Variants in RNF220 observed in about 807,000 individuals in gnomAD.
The protein encoded by RNF220 is E3 ubiquitin-protein ligase RNF220.
Under a neutral mutation model 67.1 loss-of-function variants are expected in RNF220, and 7 were observed. That is an observed-to-expected ratio of 0.10 (90% confidence interval 0.06 to 0.20). The LOEUF (loss-of-function observed/expected upper bound fraction) is 0.20. RNF220 is among the 10% of genes least tolerant of loss of function. The probability of loss-of-function intolerance (pLI) is 1.00; values close to 1 mark genes in which losing one functional copy is unlikely to be tolerated. For synonymous variants in RNF220, 270 were observed against 283.2 expected (o/e 0.95, Z 0.47); for missense variants, 565 against 740.3 (o/e 0.76, Z 2.75).
intron 2 of RNF220, among the ~76,000 whole-genome samples, chr1:44,582,594 T>C (rs1405206385): frequency 6.6e-6 from 1 of 151,600 alleles, no homozygotes; most frequent in Non-Finnish European, 1.5e-5. Context: ...CCATCTCTAC[T>C]AAAAATACAA....
At chr1:44,574,520 C>T (rs1209828414) in intron 2 of RNF220, among the ~76,000 whole-genome samples, 1 of 152,188 alleles carries the variant, frequency 6.6e-6, no homozygotes, top group Non-Finnish European at 1.5e-5. Flanking sequence ...ATCTTTAATA[C>T]ATTTACTTAG....
intron 2 of RNF220, among the ~76,000 whole-genome samples, chr1:44,451,922 A>T (rs981832430): frequency 6.6e-6 from 1 of 151,998 alleles, no homozygotes; most frequent in Non-Finnish European, 1.5e-5. Flanking sequence ...CCCAGCCTTA[A>T]CTCTTCTGTC....
intron 2 of RNF220, among the ~76,000 whole-genome samples, chr1:44,570,622 G>A (rs1266710406): frequency 6.6e-6 from 1 of 152,118 alleles, no homozygotes; most frequent in East Asian, 1.9e-4. Context: ...TTGATCCAAT[G>A]TATCAGGAAT....
chr1:44,553,857 C>T (rs972807198), intron 2 of RNF220, among the ~76,000 whole-genome samples: 7 of 152,180 alleles, frequency 4.6e-5, no homozygotes, highest in African/African-American at 1.7e-4. Flanking sequence ...GGAGCTGTTA[C>T]TACCCCTGGG....
At chr1:44,524,735 G>C (rs189737458) in intron 2 of RNF220, among the ~76,000 whole-genome samples, 1 of 152,164 alleles carries the variant, frequency 6.6e-6, no homozygotes. Flanking sequence ...CTGAATGTTC[G>C]ATATTTCATT....
chr1:44,647,939 C>T (rs1644695786), intron 12 of RNF220, among the ~76,000 whole-genome samples: 1 of 152,224 alleles, frequency 6.6e-6, no homozygotes, highest in Admixed American at 6.5e-5. Flanking sequence ...TTCCAGCATC[C>T]TCAGCAGCTT....
Position 44,412,737 on chromosome 1 carries a change from T to C in RNF220, c.625+15T>C. On this transcript the variant is annotated intron_variant, in intron 2 of 14. Coordinates refer to ENST00000361799, the MANE Select transcript of RNF220 (RefSeq NM_018150.4). The surrounding 1 kb of genome is among the most constrained non-coding windows in gnomAD (Gnocchi z 5.3). ...GAATGACAGATGTAAGTACTTTGGT[T>C]CCAGCCCTCCCTTACCCCCAGTAAG... 1 of 1,607,074 alleles carries C rather than the reference T, an allele frequency of 6.2e-7. No individual in the cohort carries two copies. Among genetic ancestry groups the C allele is most frequent in the Non-Finnish European group, 8.5e-7 (1 of 1,175,768 alleles).
At chr1:44,487,070 C>G (rs1025050869) in intron 2 of RNF220, among the ~76,000 whole-genome samples, 1 of 152,166 alleles carries the variant, frequency 6.6e-6, no homozygotes, top group African/African-American at 2.4e-5. Flanking sequence ...TGCGGTGGCT[C>G]ACACCTGTAA....
chr1:44,593,838 T>G (rs1666279734), intron 2 of RNF220, among the ~76,000 whole-genome samples: 1 of 151,580 alleles, frequency 6.6e-6, no homozygotes, highest in Non-Finnish European at 1.5e-5. Context: ...ATCCCAGCAC[T>G]TTGGGAGGCC....
Position 44,632,403 on chromosome 1 carries a change from C to CCA in RNF220, c.949+19_949+20insAC. The CCA allele has an allele frequency of 6.2e-7, 1 of 1,604,558 alleles. No homozygotes were observed. The highest frequency in any genetic ancestry group is 8.5e-7 in the Non-Finnish European group (1 of 1,175,158). ...ACTGAATGGTGAGTCCTGCCCGGCC[C>CCA]CTCCCTCCGCCCCACCCCCGGCCTC... On this transcript the variant is annotated intron_variant, in intron 6 of 14. Coordinates refer to ENST00000361799, the MANE Select transcript of RNF220 (RefSeq NM_018150.4).
intron 2 of RNF220, among the ~76,000 whole-genome samples, chr1:44,437,789 G>T (rs1651131277): frequency 6.6e-6 from 1 of 152,186 alleles, no homozygotes; most frequent in African/African-American, 2.4e-5. Flanking sequence ...TCATTGTCTT[G>T]CTTTCAACCT....
intron 2 of RNF220, among the ~76,000 whole-genome samples, chr1:44,509,313 G>A (rs552034423): frequency 6.6e-6 from 1 of 152,180 alleles, no homozygotes; most frequent in South Asian, 2.1e-4. Flanking sequence ...CACTTTGGGA[G>A]GCCCAGGAGG....
At chr1:44,540,698 T>C (rs531759986) in intron 2 of RNF220, among the ~76,000 whole-genome samples, 1 of 152,258 alleles carries the variant, frequency 6.6e-6, no homozygotes, top group South Asian at 2.1e-4. Context: ...TTTTTCTTTA[T>C]TGTCCTGGGT....
chr1:44,582,049 G>A (rs377177003), intron 2 of RNF220, among the ~76,000 whole-genome samples: 1 of 152,194 alleles, frequency 6.6e-6, no homozygotes, highest in African/African-American at 2.4e-5. Context: ...GCTAAACGGA[G>A]CTGCTTCTCA....
At chr1:44,634,162 C>CCCTA (rs1431339773) in intron 6 of RNF220, among the ~76,000 whole-genome samples, 1 of 152,186 alleles carries the variant, frequency 6.6e-6, no homozygotes, top group Non-Finnish European at 1.5e-5. Context: ...GGAGCTGGAG[C>CCCTA]CCTAGCACAC....
chr1:44,431,470 C>T (rs1270372328), intron 2 of RNF220, among the ~76,000 whole-genome samples: 8 of 136,408 alleles, frequency 5.9e-5, no homozygotes, highest in Admixed American at 8.4e-5. Context: ...CCAGCCTGGG[C>T]GACAGAGCAA....
At chr1:44,432,445 A>G (rs563519220) in intron 2 of RNF220, among the ~76,000 whole-genome samples, 14 of 151,876 alleles carry the variant, frequency 9.2e-5, no homozygotes, top group Middle Eastern at 3.4e-3. Context: ...TAATTTTTGT[A>G]TTTTTAGTAG....
intron 2 of RNF220, among the ~76,000 whole-genome samples, chr1:44,529,272 T>G (rs1176011107): frequency 6.6e-6 from 1 of 151,836 alleles, no homozygotes; most frequent in Non-Finnish European, 1.5e-5. Context: ...TTTAAAAACA[T>G]ATATTTGAAG....
chr1:44,442,483 T>A (rs1651660676), intron 2 of RNF220, among the ~76,000 whole-genome samples: 2 of 151,466 alleles, frequency 1.3e-5, no homozygotes, highest in South Asian at 4.2e-4. Flanking sequence ...GAGCTCTTGA[T>A]TCTTTGCCCC....
Sources: gnomAD v4.1 joint callset for allele counts (sites outside exome capture counted in the v4.1 genomes callset) on GRCh38, gnomAD v4.1.1 for gene constraint, Gnocchi (gnomAD v3.1) non-coding constraint, MANE v1.5 for transcripts, NCBI Gene and HGNC (gene_info 2026-07-23, HGNC 2026-07-21) for gene names.